Variants in ARHGAP8 observed in about 807,000 individuals in gnomAD.
ARHGAP8 encodes rho GTPase-activating protein 8.
A neutral mutation model predicts 46.1 loss-of-function variants in ARHGAP8; 62 were observed. The ratio of observed to expected loss-of-function variants is 1.34; its 90% CI spans 1.10 to 1.66. The LOEUF (loss-of-function observed/expected upper bound fraction) is 1.66, where lower values mean the gene tolerates loss of function less well. Among genes scored for constraint, ARHGAP8 ranks in the 40% most tolerant of loss-of-function variants. The probability of loss-of-function intolerance (pLI) is 0.00; values close to 1 mark genes in which losing one functional copy is unlikely to be tolerated. For synonymous variants in ARHGAP8, 375 were observed against 243.1 expected, an observed-to-expected ratio of 1.54 and a Z score of -5.05; for missense variants, 923 against 568.4, an observed-to-expected ratio of 1.62 and a Z score of -6.34.
intron 2 of ARHGAP8, among the ~76,000 whole-genome samples, chr22:44,791,775 C>T (rs1439785628): frequency 6.6e-6 from 1 of 152,124 alleles, no homozygotes. Flanking sequence ...CATATGAGGG[C>T]CTCAGCCATC....
chr22:44,819,233 A>C (rs1010075695), intron 5 of ARHGAP8, among the ~76,000 whole-genome samples: 1 of 151,996 alleles, frequency 6.6e-6, no homozygotes, highest in Non-Finnish European at 1.5e-5. Context: ...TGCCCAGCTA[A>C]ATTTTGAACT....
chr22:44,821,732 G>T (rs1337737907), intron 5 of ARHGAP8, among the ~76,000 whole-genome samples: 2 of 152,228 alleles, frequency 1.3e-5, no homozygotes, highest in Non-Finnish European at 2.9e-5. Flanking sequence ...TTAGGAGGGA[G>T]AACCCCCACT....
chr22:44,803,743 TCTCCCATGCACACACCCC>T (rs201532526), intron 3 of ARHGAP8, among the ~76,000 whole-genome samples: 949 of 28,266 alleles, frequency 0.034, 32 homozygotes, highest in Admixed American at 0.15. Context: ...GCACCCACCC[TCTCCCATGCACACACCCC>T]CTCCCATGCA....
rs752811217 is a variant in ARHGAP8, at chr22:44,800,023, T to TGTCTGCAGGCACGGAGGATG, written c.80-2042_80-2023dup. Among the ~76,000 whole-genome samples, 343 of 148,534 alleles carry TGTCTGCAGGCACGGAGGATG rather than the reference T, an allele frequency of 2.3e-3. 2 individuals carry two copies. Among genetic ancestry groups the TGTCTGCAGGCACGGAGGATG allele is most frequent in the Non-Finnish European group, 3.4e-3 (227 of 66,838 alleles). Reference sequence around the variant, plus strand: ...GGGGCTGGGAGAGGAGAGGCAGCTGTGTCTGCAGGCACGGAGGATGGTCTG... The same window carrying TGTCTGCAGGCACGGAGGATG: ...GGGGCTGGGAGAGGAGAGGCAGCTGTGTCTGCAGGCACGGAGGATGGTCTGCAGGCACGGAGGATGGTCTG... On this transcript the variant is annotated intron_variant, in intron 2 of 11. Coordinates refer to ENST00000356099, the MANE Select transcript of ARHGAP8 (RefSeq NM_181335.3).
chr22:44,862,523 G>C lies in ARHGAP8; in HGVS notation c.1230G>C (p.Arg410=). 6.2e-7 allele frequency: 1 copy of C among 1,611,890 alleles called. No homozygotes were observed. Among genetic ancestry groups the C allele is most frequent in the Non-Finnish European group, 8.5e-7 (1 of 1,178,388 alleles). The change falls in exon 12 of 12, where the codon CGG becomes CGC. Residue 410 remains arginine (R), a synonymous_variant. Coordinates refer to ENST00000356099, the MANE Select transcript of ARHGAP8 (RefSeq NM_181335.3). ...RAAPLQEAVP[R]TQATGLTKPT... Reference sequence around the variant, plus strand: ...CCCCTTTGCAGGAGGCTGTGCCACGGACACAAGCCACGGGCCTCACCAAGC... The same window carrying C: ...CCCCTTTGCAGGAGGCTGTGCCACGCACACAAGCCACGGGCCTCACCAAGC...
chr22:44,860,381 C>T lies in ARHGAP8; in HGVS notation c.981+547C>T, dbSNP rs80320480. Among the ~76,000 whole-genome samples the T allele has an allele frequency of 3.4e-3, 517 of 152,236 alleles. 7 individuals carry two copies. Among genetic ancestry groups the T allele is most frequent in the African/African-American group, 0.012 (496 of 41,514 alleles). ...TAGGGAAGGTTCCCCTTCCTGGCCT[C>T]TCCCAGCTCCTGGTCACTCCAGCTA... is the stretch of plus-strand genomic sequence containing the variant. On this transcript the variant is annotated intron_variant, in intron 11 of 11. Coordinates refer to ENST00000356099, the MANE Select transcript of ARHGAP8 (RefSeq NM_181335.3).
chr22:44,830,860 C>T (rs1361704468), intron 7 of ARHGAP8, among the ~76,000 whole-genome samples: 1 of 152,096 alleles, frequency 6.6e-6, no homozygotes, highest in Non-Finnish European at 1.5e-5. Context: ...TTTATCGTAG[C>T]CATCCTAGTA....
intron 1 of ARHGAP8, among the ~76,000 whole-genome samples, chr22:44,773,412 A>G (rs552325147): frequency 6.6e-6 from 1 of 152,338 alleles, no homozygotes; most frequent in South Asian, 2.1e-4. Context: ...ATTGAAACAT[A>G]CATGCATTTA....
rs113203569 is a variant in ARHGAP8 at position 44,754,792 on chromosome 22, A to G, written c.-72+2165A>G. Among the ~76,000 whole-genome samples, 274 of 152,260 alleles carry G rather than the reference A, an allele frequency of 1.8e-3. 2 individuals carry two copies. Among genetic ancestry groups the G allele is most frequent in the African/African-American group, 6.1e-3 (255 of 41,552 alleles). On this transcript the variant is annotated intron_variant, in intron 1 of 11. Transcript: ENST00000356099. The stretch of plus-strand genomic sequence containing the variant: ...TGGAGTTAAAGGCGGCTTCGGTTAA[A>G]GAGACGAGAGCAAGGAACTCAGGTC...
intron 11 of ARHGAP8, among the ~76,000 whole-genome samples, chr22:44,861,579 C>T (rs2070487574): frequency 1.3e-5 from 2 of 152,198 alleles, no homozygotes; most frequent in South Asian, 4.1e-4. Flanking sequence ...CCCTGGTACT[C>T]ACCGCCTCAT....
At chr22:44,776,910 T>C (rs1926469496) in intron 1 of ARHGAP8, among the ~76,000 whole-genome samples, 1 of 152,102 alleles carries the variant, frequency 6.6e-6, no homozygotes. Flanking sequence ...GTGCCCTGCC[T>C]GCTCTGTCCA....
At chr22:44,807,128 G>C (rs1385155968) in intron 3 of ARHGAP8, among the ~76,000 whole-genome samples, 1 of 152,164 alleles carries the variant, frequency 6.6e-6, no homozygotes, top group African/African-American at 2.4e-5. Context: ...CCCACCCACA[G>C]CCTCAGAGAG....
At chr22:44,858,316 T>TTC (rs138570351) in intron 10 of ARHGAP8, among the ~76,000 whole-genome samples, 5,228 of 151,048 alleles carry the variant, frequency 0.035, 305 homozygotes, top group African/African-American at 0.12. Context: ...TGCATACATG[T>TTC]TCACACATGC....
intron 3 of ARHGAP8, among the ~76,000 whole-genome samples, chr22:44,804,191 G>A (rs916597562): frequency 1.4e-4 from 21 of 152,106 alleles, no homozygotes; most frequent in Non-Finnish European, 2.9e-4. Context: ...CCTGTGTATG[G>A]CCTTGGGCGC....
chr22:44,760,184 C>T (rs1285815705), intron 1 of ARHGAP8, among the ~76,000 whole-genome samples: 1 of 152,276 alleles, frequency 6.6e-6, no homozygotes, highest in South Asian at 2.1e-4. Flanking sequence ...GTCTTGCCAG[C>T]GTTGGGGACC....
At chr22:44,782,450 C>T (rs573140515) in intron 1 of ARHGAP8, among the ~76,000 whole-genome samples, 1 of 152,204 alleles carries the variant, frequency 6.6e-6, no homozygotes, top group African/African-American at 2.4e-5. Flanking sequence ...AGTTCCAGAA[C>T]GTTTTCATCA....
intron 2 of ARHGAP8, among the ~76,000 whole-genome samples, chr22:44,791,407 T>C (rs1569147011): frequency 1.3e-5 from 2 of 152,108 alleles, no homozygotes; most frequent in Non-Finnish European, 2.9e-5. Context: ...TTTTCACTTA[T>C]TTAAAACCCA....
chr22:44,767,538 C>G (rs2031769707), intron 1 of ARHGAP8, among the ~76,000 whole-genome samples: 1 of 152,076 alleles, frequency 6.6e-6, no homozygotes, highest in Admixed American at 6.6e-5. Context: ...GCAGTTGTCC[C>G]CAGAATGGTT....
In ARHGAP8 at chr22:44,862,361, G is replaced by C. The variant is rs758998083; in HGVS notation, c.1068G>C (p.Gly356=). Residue 356 remains glycine, a synonymous_variant, in exon 12 of 12, where the codon GGG becomes GGC. Coordinates refer to ENST00000356099, the MANE Select transcript of ARHGAP8 (RefSeq NM_181335.3). The part of the protein sequence containing the change: ...FGLNLIWPSQ[G]VSSLSALVPL... The stretch of plus-strand genomic sequence containing the variant: ...TGAATTTGATCTGGCCATCCCAGGG[G>C]GTCTCCTCCCTGAGTGCCCTTGTGC... 1.2e-6 allele frequency: 2 copies of C among 1,613,956 alleles called. No individual in the cohort carries two copies. The highest frequency in any genetic ancestry group is 1.7e-6 in the Non-Finnish European group (2 of 1,179,994).
Sources: gnomAD v4.1 joint callset for allele counts (sites outside exome capture counted in the v4.1 genomes callset) on GRCh38, gnomAD v4.1.1 for gene constraint, MANE v1.5 for transcripts, NCBI Gene and HGNC (gene_info 2026-07-23, HGNC 2026-07-21) for gene names.